Variants in EMCN observed in about 807,000 individuals in gnomAD.
EMCN encodes endomucin, also known as MUC-14.
EMCN carries 37 observed loss-of-function variants against 38.4 expected under a neutral mutation model. The observed-to-expected ratio is 0.96, with a 90% CI of 0.74 to 1.27. EMCN has a LOEUF of 1.27. Ranked by LOEUF, EMCN falls within the 50% of genes most tolerant of loss-of-function variation. The probability of loss-of-function intolerance (pLI) is 0.00; values close to 1 mark genes in which losing one functional copy is unlikely to be tolerated. For missense variants in EMCN, 318 were observed against 302.8 expected (o/e 1.05, Z -0.37); for synonymous variants, 95 against 100.8 (o/e 0.94, Z 0.35).
At chr4:100,473,410 A>T in intron 3 of EMCN, among the ~76,000 whole-genome samples, 1 of 69,596 alleles carries the variant, frequency 1.4e-5, no homozygotes, top group Admixed American at 1.9e-4. Flanking sequence ...TAATGACATC[A>T]CTTGCTGTTT....
intron 5 of EMCN, among the ~76,000 whole-genome samples, chr4:100,436,134 T>C (rs761655870): frequency 2.6e-5 from 4 of 151,234 alleles, no homozygotes; most frequent in Non-Finnish European, 5.9e-5. Context: ...ATCCATATGA[T>C]AAAAGTGTAA....
chr4:100,462,326 C>T (rs1014482398), intron 4 of EMCN, among the ~76,000 whole-genome samples: 3 of 152,048 alleles, frequency 2.0e-5, no homozygotes, highest in African/African-American at 7.2e-5. Flanking sequence ...GAAGCTAAAT[C>T]AATACAACAG....
chr4:100,401,866 G>C (rs979305032), intron 11 of EMCN, among the ~76,000 whole-genome samples: 2 of 152,130 alleles, frequency 1.3e-5, no homozygotes, highest in African/African-American at 2.4e-5. Context: ...GAGACCTACT[G>C]GTGAGGGAGC....
At chr4:100,444,519 A>G (rs895100137) in intron 5 of EMCN, among the ~76,000 whole-genome samples, 4 of 152,114 alleles carry the variant, frequency 2.6e-5, no homozygotes, top group Non-Finnish European at 4.4e-5. Context: ...GGTGTGCAGA[A>G]GACCTGAGGT....
chr4:100,467,681 C>CAAA (rs3974786), intron 3 of EMCN, among the ~76,000 whole-genome samples: 2,269 of 83,380 alleles, frequency 0.027, 73 homozygotes, highest in Non-Finnish European at 0.039. Flanking sequence ...GACTCCGTCT[C>CAAA]AAAAAAAAAA....
Position 100,461,803 on chromosome 4 carries a change from G to A in EMCN, c.376+3620C>T, listed in dbSNP as rs542336466. Among the ~76,000 whole-genome samples the A allele has an allele frequency of 9.2e-5, 14 of 152,282 alleles. No homozygotes were observed. In the East Asian group the frequency reaches 2.7e-3, roughly 29 times the overall value. On this transcript the variant is annotated intron_variant, in intron 4 of 11. Coordinates refer to ENST00000296420, the MANE Select transcript of EMCN (RefSeq NM_016242.4). ...CATCTTTAGATGAAATACCCACAAT[G>A]TACTTGTCTGATATTTCCTATCCAA...
intron 1 of EMCN, among the ~76,000 whole-genome samples, chr4:100,492,576 C>T (rs755168234): frequency 7.2e-5 from 11 of 151,922 alleles, no homozygotes; most frequent in Non-Finnish European, 2.9e-5. Flanking sequence ...AAATCAAATT[C>T]GATCCAAATA....
chr4:100,449,909 C>A (rs1020363971), intron 4 of EMCN, among the ~76,000 whole-genome samples: 1 of 151,742 alleles, frequency 6.6e-6, no homozygotes, highest in Non-Finnish European at 1.5e-5. Flanking sequence ...GAATATATTC[C>A]TTTTTTCCCT....
chr4:100,505,159 G>A (rs1198390598), intron 1 of EMCN, among the ~76,000 whole-genome samples: 1 of 152,058 alleles, frequency 6.6e-6, no homozygotes. Flanking sequence ...CTGCCCCTTT[G>A]TCTTGTATCC....
intron 4 of EMCN, among the ~76,000 whole-genome samples, chr4:100,450,448 G>A (rs1340833877): frequency 6.6e-6 from 1 of 151,882 alleles, no homozygotes; most frequent in East Asian, 1.9e-4. Context: ...GGATATTGCA[G>A]GATATTTTGA....
intron 1 of EMCN, among the ~76,000 whole-genome samples, chr4:100,484,246 T>C (rs1358650388): frequency 1.3e-5 from 2 of 152,184 alleles, no homozygotes; most frequent in Admixed American, 1.3e-4. Context: ...TGTGCACATA[T>C]AGGGTCTTTA....
chr4:100,445,521 T>C (rs1225298765), intron 5 of EMCN, among the ~76,000 whole-genome samples: 2 of 152,032 alleles, frequency 1.3e-5, no homozygotes, highest in South Asian at 2.1e-4. Flanking sequence ...GAATCCATAT[T>C]TGCTTATATT....
At chr4:100,513,556 A>G (rs962810408) in intron 1 of EMCN, among the ~76,000 whole-genome samples, 1 of 152,182 alleles carries the variant, frequency 6.6e-6, no homozygotes, top group African/African-American at 2.4e-5. Flanking sequence ...TTGATACCCA[A>G]AAATAAGTAG....
chr4:100,507,550 C>G lies in EMCN; in HGVS notation c.64+10301G>C, dbSNP rs543673604. ...GAAGGATTGGCAAGAGCTTTAATGG[C>G]AAGAAGGAAGAACTCCACTGGGTAC... On this transcript the variant is annotated intron_variant, in intron 1 of 11. Coordinates refer to ENST00000296420, the MANE Select transcript of EMCN (RefSeq NM_016242.4). Among the ~76,000 whole-genome samples, 52 of 152,128 alleles carry G rather than the reference C, an allele frequency of 3.4e-4. 1 individual carries two copies. The highest frequency in any genetic ancestry group is 1.2e-3 in the African/African-American group (49 of 41,488).
chr4:100,478,456 T>C (rs886159907), intron 2 of EMCN, among the ~76,000 whole-genome samples: 5 of 152,176 alleles, frequency 3.3e-5, no homozygotes, highest in Non-Finnish European at 7.4e-5. Context: ...ATTGTCTATA[T>C]TTTTTGAGAT....
chr4:100,448,687 C>CT (rs1057181474), intron 4 of EMCN, among the ~76,000 whole-genome samples: 2 of 152,156 alleles, frequency 1.3e-5, no homozygotes, highest in African/African-American at 4.8e-5. Flanking sequence ...CAATGGCTCC[C>CT]TATTGCTCCT....
chr4:100,502,346 A>G (rs1313230568), intron 1 of EMCN, among the ~76,000 whole-genome samples: 1 of 152,142 alleles, frequency 6.6e-6, no homozygotes, highest in African/African-American at 2.4e-5. Context: ...TATTGGTACA[A>G]TTGCAGGCAT....
rs80225197 is a variant in EMCN at position 100,426,242 on chromosome 4, G to A, written c.416-2838C>T. On this transcript the variant is annotated intron_variant, in intron 5 of 11. Transcript: ENST00000296420. ...AGCATAAGTGACCAAATTTACCCAC[G>A]TGTCCTCTGAAACCCATCTCTCTGT... Among the ~76,000 whole-genome samples, 1,027 of 152,144 alleles carry A rather than the reference G, an allele frequency of 6.8e-3. 14 individuals are homozygous for A. Among genetic ancestry groups the A allele is most frequent in the African/African-American group, 0.023 (967 of 41,522 alleles).
In EMCN at chr4:100,517,831, G is replaced by T. The variant is rs770946112; in HGVS notation, c.64+20C>A. On this transcript the variant is annotated intron_variant, in intron 1 of 11. Transcript: ENST00000296420. ...GTGATTTCCAATCCGTACCACCAGAGGAATAAGAGACAAAAATACCTGTGC... is the reference window on the plus strand; with the variant it reads ...GTGATTTCCAATCCGTACCACCAGATGAATAAGAGACAAAAATACCTGTGC... 3 of 1,610,948 alleles carry T rather than the reference G, an allele frequency of 1.9e-6. No individual in the cohort carries two copies. Among genetic ancestry groups the T allele is most frequent in the South Asian group, 2.2e-5 (2 of 90,998 alleles).
Sources: gnomAD v4.1 joint callset for allele counts (sites outside exome capture counted in the v4.1 genomes callset) on GRCh38, gnomAD v4.1.1 for gene constraint, MANE v1.5 for transcripts, NCBI Gene and HGNC (gene_info 2026-07-23, HGNC 2026-07-21) for gene names.